Variants in CPSF1 observed in about 807,000 individuals in gnomAD.
The protein encoded by CPSF1 is cleavage and polyadenylation specificity factor subunit 1.
Under a neutral mutation model 175.8 loss-of-function variants are expected in CPSF1, and 106 were observed. That is an observed-to-expected ratio of 0.60 (90% CI 0.52 to 0.71). CPSF1 has a LOEUF of 0.71. Among genes scored for constraint, CPSF1 ranks in the 30% least tolerant of loss-of-function variants. CPSF1 has a pLI of 0.00. For synonymous variants in CPSF1, 1,024 were observed against 858.3 expected, an observed-to-expected ratio of 1.19 and a Z score of -3.37; for missense variants, 1,734 against 2,022.9, an observed-to-expected ratio of 0.86 and a Z score of 2.74.
rs2116907344 is a variant in CPSF1 at position 144,407,117 on chromosome 8, G to GT, written c.144+1897dup. ...TTTAGTAGACACAGGGTTTTGCCAC[G>GT]TTGGCCAGACTGGTCTCGAACCCAT... On this transcript the variant is annotated intron_variant, in intron 2 of 37. Transcript: ENST00000616140. 3.0e-3 allele frequency among the ~76,000 whole-genome samples: 458 copies of GT among 151,862 alleles called. 3 individuals carry two copies. The highest frequency in any genetic ancestry group is 0.01 in the African/African-American group (421 of 41,396).
Position 144,396,899 on chromosome 8 carries a change from C to T in CPSF1, c.2623G>A (p.Glu875Lys), listed in dbSNP as rs782718605. 2.5e-6 allele frequency: 4 copies of T among 1,613,646 alleles called. No homozygotes were observed. The highest frequency in any genetic ancestry group is 3.4e-6 in the Non-Finnish European group (4 of 1,179,886). Residue 875 changes from glutamate (E) to lysine (K), a missense_variant, in exon 24 of 38, where the codon GAG becomes AAG. Glu to Lys is a moderately conservative substitution (Grantham distance 56, BLOSUM62 1). Transcript: ENST00000616140. Reference sequence around the variant, plus strand: ...AGCTGAGAGTCGTGGGGGAAGGCCTCGTAGATAAGCAGCTCTTGGTCCACA... The same window carrying T: ...AGCTGAGAGTCGTGGGGGAAGGCCTTGTAGATAAGCAGCTCTTGGTCCACA... ...VHVDQELLIY[E>K]AFPHDSQLGQ...
In CPSF1 at chr8:144,396,745, G is replaced by C. The variant is rs370375160; in HGVS notation, c.2683-4C>G. ...GGAAGTTGATGTTGTGAGGGACCTGGGGGGGAACCATGCAGGTCCTCCAGG... is the reference window on the plus strand; with the variant it reads ...GGAAGTTGATGTTGTGAGGGACCTGCGGGGGAACCATGCAGGTCCTCCAGG... On this transcript the variant is annotated splice_region_variant and splice_polypyrimidine_tract_variant and intron_variant, in intron 24 of 37. Coordinates refer to ENST00000616140, the MANE Select transcript of CPSF1 (RefSeq NM_013291.3). 1.5e-5 allele frequency: 25 copies of C among 1,613,882 alleles called. No homozygotes were observed. The highest frequency in any genetic ancestry group is 3.3e-5 in the Admixed American group (2 of 60,012).
In CPSF1 at chr8:144,396,206, C is replaced by A. The variant is rs1820715760; in HGVS notation, c.2979+142G>T. Reference sequence around the variant, plus strand: ...GCAACCAAGTCACAGGTTCCACCTCCTCGACCTCAACCCCATCGCCCTCTG... The same window carrying A: ...GCAACCAAGTCACAGGTTCCACCTCATCGACCTCAACCCCATCGCCCTCTG... On this transcript the variant is annotated intron_variant, in intron 26 of 37. Coordinates refer to ENST00000616140, the MANE Select transcript of CPSF1 (RefSeq NM_013291.3). 3 of 887,584 alleles carry A rather than the reference C, an allele frequency of 3.4e-6. No homozygotes were observed. In the East Asian group the frequency reaches 8.0e-5, roughly 24 times the overall value. The allele number at this position is 887,584 out of a possible 1,614,324, so 55.0% of individuals were successfully genotyped here.
chr8:144,398,484 ACCCCAG>A, intron 18 of CPSF1, 35 bp downstream of exon 18: 2 of 1,510,074 alleles, frequency 1.3e-6, no homozygotes, highest in Non-Finnish European at 1.8e-6. Context: ...CCCGCAGGGG[ACCCCAG>A]CCCCAGGTCC....
At chr8:144,407,491 G>T (rs1231215474) in intron 2 of CPSF1, among the ~76,000 whole-genome samples, 1 of 152,080 alleles carries the variant, frequency 6.6e-6, no homozygotes, top group Non-Finnish European at 1.5e-5. Flanking sequence ...AGACCAGCCT[G>T]GCCAATGTGG....
At chr8:144,400,842 G>A in intron 6 of CPSF1, 25 bp from the exon 7 acceptor site, 1 of 1,611,894 alleles carries the variant, frequency 6.2e-7, no homozygotes, top group Non-Finnish European at 8.5e-7. Context: ...GCTTCAGCAG[G>A]AGAGGAGGGG....
chr8:144,393,870 C>G lies in CPSF1; in HGVS notation c.4015+13G>C. 3.1e-6 allele frequency: 5 copies of G among 1,605,962 alleles called. No homozygotes were observed. Among genetic ancestry groups the G allele is most frequent in the Non-Finnish European group, 4.2e-6 (5 of 1,177,014 alleles). On this transcript the variant is annotated intron_variant, in intron 35 of 37. Transcript: ENST00000616140. Reference sequence around the variant, plus strand: ...GGCCCCCCACCCAGACACACCTGCTCCCCCACACTCACCAAACCACGTGAT... The same window carrying G: ...GGCCCCCCACCCAGACACACCTGCTGCCCCACACTCACCAAACCACGTGAT...
At position 144,398,626 on chromosome 8, in the gene CPSF1, T is replaced by C. The variant is rs1820952148; in HGVS notation, c.1651A>G (p.Lys551Glu). Reference sequence around the variant, plus strand: ...GGTTCCTGCTCTGTGCCCTCCCCCTTGGGATTGTCCTCCTGTCAGGGCCAA... The same window carrying C: ...GGTTCCTGCTCTGTGCCCTCCCCCTCGGGATTGTCCTCCTGTCAGGGCCAA... Reference protein sequence around the residue: ...PVRKEEEDNPKGEGTEQEPST... With the variant: ...PVRKEEEDNPEGEGTEQEPST... The change falls in exon 18 of 38, where the codon AAG becomes GAG. Residue 551 changes from lysine to glutamate, a missense_variant. Around this residue, in one of 10 missense-constraint regions of CPSF1, gnomAD observed 280 missense variants for 349.2 expected, o/e 0.80. Coordinates refer to ENST00000616140, the MANE Select transcript of CPSF1 (RefSeq NM_013291.3). The C allele has an allele frequency of 6.2e-7, 1 of 1,613,670 alleles. No homozygotes were observed. Among genetic ancestry groups the C allele is most frequent in the East Asian group, 2.2e-5 (1 of 44,890 alleles).
chr8:144,399,758 C>A lies in CPSF1; in HGVS notation c.1119+23G>T. 1 of 1,591,704 alleles carries A rather than the reference C, an allele frequency of 6.3e-7. No individual in the cohort carries two copies. Among genetic ancestry groups the A allele is most frequent in the Non-Finnish European group, 8.6e-7 (1 of 1,169,574 alleles). On this transcript the variant is annotated intron_variant, in intron 11 of 37. Transcript: ENST00000616140. This position sits in a 1 kb window ranked among gnomAD's most constrained non-coding sequence, Gnocchi z 6.4. The stretch of plus-strand genomic sequence containing the variant: ...TGGCTGGGCCGGGTCTGGACCCAGA[C>A]CCAACCCCTAGTCCCAACTCACGCT...
In CPSF1 at chr8:144,393,365, T is replaced by G; in HGVS notation, c.4285A>C (p.Ile1429Leu). ...TCCGTCTCCAGCAAGTCGTCCAGGA[T>G]CTGCAGGGGATGGAAGGGTGGGTGG... ...AKKIGTTPDI[I>L]LDDLLETDRV... Residue 1429 changes from isoleucine to leucine, a missense_variant and splice_region_variant, in exon 38 of 38, where the codon ATC (isoleucine) becomes CTC (leucine). Physicochemically the swap from Ile to Leu is conservative, Grantham distance 5. This residue lies in a region of CPSF1 where 323 missense variants were observed against 338.5 expected (regional missense o/e 0.95). Coordinates refer to ENST00000616140, the MANE Select transcript of CPSF1 (RefSeq NM_013291.3). 9.5e-7 allele frequency: 1 copy of G among 1,055,286 alleles called. No individual in the cohort carries two copies. The highest frequency in any genetic ancestry group is 1.2e-6 in the Non-Finnish European group (1 of 802,230). 65.4% of individuals were successfully genotyped at this position (1,055,286 alleles called of 1,614,324 possible).
intron 2 of CPSF1, among the ~76,000 whole-genome samples, chr8:144,405,042 C>T (rs1821419853): frequency 7.7e-6 from 1 of 129,958 alleles, no homozygotes. Flanking sequence ...GAGACTCCGT[C>T]TAAAAAAAAA....
Position 144,396,494 on chromosome 8 carries a change from T to A in CPSF1, c.2833A>T (p.Ile945Phe). ...EDIYGYSGVFICGPSPHWLLV... is the reference protein window; with the variant it reads ...EDIYGYSGVFFCGPSPHWLLV... ...AGCCAGTGAGGGGAGGGGCCGCAGA[T>A]GAAGACCTGGGGGCAGGCACCGTGA... The change falls in exon 26 of 38, where the codon ATC (isoleucine) becomes TTC (phenylalanine). Residue 945 changes from isoleucine to phenylalanine, a missense_variant. Ile to Phe is a conservative substitution (Grantham distance 21). Coordinates refer to ENST00000616140, the MANE Select transcript of CPSF1 (RefSeq NM_013291.3). The A allele has an allele frequency of 6.2e-7, 1 of 1,611,138 alleles. No individual in the cohort carries two copies. The highest frequency in any genetic ancestry group is 8.5e-7 in the Non-Finnish European group (1 of 1,179,138).
Position 144,399,806 on chromosome 8 carries a change from G to GC in CPSF1, c.1093dup (p.Ala365GlyfsTer46). The stretch of plus-strand genomic sequence containing the variant: ...GCTGGTGGTGAGGACGCTGGCGGCC[G>GC]CCTTGTCAAAGTGGAACGCTCGGAC... On this transcript the variant is annotated frameshift_variant, in exon 11 of 38. Transcript: ENST00000616140. LOFTEE classifies it high-confidence loss of function. The surrounding 1 kb of genome is among the most constrained non-coding windows in gnomAD (Gnocchi z 6.4). 3 of 1,562,206 alleles carry GC rather than the reference G, an allele frequency of 1.9e-6. No individual in the cohort carries two copies. The highest frequency in any genetic ancestry group is 2.6e-6 in the Non-Finnish European group (3 of 1,153,748).
rs782726589 is a variant in CPSF1, at chr8:144,397,184, G to GAGGCC, written c.2592+18_2592+22dup. On this transcript the variant is annotated intron_variant, in intron 23 of 37. Transcript: ENST00000616140. ...AGGGCCAGGGGGAAGATGGGAAGGG[G>GAGGCC]AGGCCAGGCCAGGCGCACTCACCAG... 397 of 1,519,228 alleles carry GAGGCC rather than the reference G, an allele frequency of 2.6e-4. No individual in the cohort carries two copies. In the African/African-American group the frequency reaches 4.2e-3, roughly 16 times the overall value. 94.1% of individuals were successfully genotyped at this position (1,519,228 alleles called of 1,614,324 possible). A position where few individuals can be genotyped will look rare whatever the true frequency, so the allele number is the denominator to read the frequency against.
rs782626447 is a variant in CPSF1 at position 144,396,837 on chromosome 8, C to T, written c.2682+3G>A. 1 of 1,613,994 alleles carries T rather than the reference C, an allele frequency of 6.2e-7. No individual in the cohort carries two copies. The highest frequency in any genetic ancestry group is 8.5e-7 in the Non-Finnish European group (1 of 1,179,932). On this transcript the variant is annotated splice_donor_region_variant and intron_variant, in intron 24 of 37. Coordinates refer to ENST00000616140, the MANE Select transcript of CPSF1 (RefSeq NM_013291.3). ...CACGCCCCAGCAGTCCAGCCACTGGCACCTTCTTAAAGCGGACTTTGAGAT... is the reference window on the plus strand; with the variant it reads ...CACGCCCCAGCAGTCCAGCCACTGGTACCTTCTTAAAGCGGACTTTGAGAT...
rs782360016 is a variant in CPSF1, at chr8:144,395,454, G to A, written c.3077C>T (p.Ala1026Val). The change falls in exon 27 of 38, where the codon GCT becomes GTT. Residue 1026 changes from alanine to valine, a missense_variant. Ala to Val is a moderately conservative substitution (Grantham distance 64). Around this residue, in one of 10 missense-constraint regions of CPSF1, gnomAD observed 585 missense variants for 584.7 expected, o/e 1.00. Transcript: ENST00000616140. ...GCAGACCTTAGACTCCACGTGGTAA[G>A]CCACATAGTGGGCCGTGCAGCGCAG... The part of the protein sequence containing the change: ...IPLRCTAHYV[A>V]YHVESKVYAV... 4.3e-6 allele frequency: 7 copies of A among 1,612,884 alleles called. 1 individual carries two copies. In the Middle Eastern group the frequency reaches 4.9e-4, roughly 114 times the overall value.
In CPSF1 at chr8:144,409,187, G is replaced by C; in HGVS notation, c.-14-15C>G. The C allele has an allele frequency of 6.3e-7, 1 of 1,577,340 alleles. No homozygotes were observed. ...GCCAACCCGGGCTGCGCAAGGCCGG[G>C]AGAGGAAGGGTGAGCGGGGTCGCCC... On this transcript the variant is annotated splice_polypyrimidine_tract_variant and intron_variant, in intron 1 of 37. Transcript: ENST00000616140.
chr8:144,408,651 T>G (rs2116911513), intron 2 of CPSF1, among the ~76,000 whole-genome samples: 1 of 152,262 alleles, frequency 6.6e-6, no homozygotes, highest in Non-Finnish European at 1.5e-5. Flanking sequence ...GGGGCAGGTG[T>G]GTTTATTTAG....
At position 144,399,378 on chromosome 8, in the gene CPSF1, A is replaced by G. The variant is rs201997402; in HGVS notation, c.1295-5T>C. ...GCGGCACCGACTTACCCGCAGCTGC[A>G]CACAGAGAGCCCACTTGAGCGCAGC... On this transcript the variant is annotated splice_polypyrimidine_tract_variant and splice_region_variant and intron_variant, in intron 13 of 37. Transcript: ENST00000616140. This position sits in a 1 kb window ranked among gnomAD's most constrained non-coding sequence, Gnocchi z 6.4. The G allele has an allele frequency of 6.2e-7, 1 of 1,611,254 alleles. No individual in the cohort carries two copies. Among genetic ancestry groups the G allele is most frequent in the East Asian group, 2.2e-5 (1 of 44,870 alleles).
Sources: allele counts gnomAD v4.1 joint callset (sites outside exome capture counted in the v4.1 genomes callset), GRCh38; gene constraint gnomAD v4.1.1; regional missense constraint gnomAD v4.1.1; non-coding constraint Gnocchi (gnomAD v3.1); transcripts MANE v1.5; gene names NCBI Gene and HGNC (gene_info 2026-07-23, HGNC 2026-07-21).